The following KIF13A variants were observed in gnomAD, a reference collection of about 807,000 sequenced individuals.
KIF13A encodes the protein kinesin-like protein KIF13A.
Under a neutral mutation model 212.2 loss-of-function variants are expected in KIF13A, and 79 were observed. The observed-to-expected ratio is 0.37, with a 90% CI of 0.31 to 0.45. KIF13A has a LOEUF of 0.45. KIF13A is among the 20% of genes least tolerant of loss of function. The pLI, the probability that KIF13A is intolerant of heterozygous loss-of-function variation, is 1.00. For synonymous variants in KIF13A, 789 were observed against 808.6 expected, an observed-to-expected ratio of 0.98 and a Z score of 0.41; for missense variants, 1,901 against 2,209.0, an observed-to-expected ratio of 0.86 and a Z score of 2.79.
chr6:17,852,779 T>A (rs1281019177), intron 6 of KIF13A, among the ~76,000 whole-genome samples: 1 of 152,212 alleles, frequency 6.6e-6, no homozygotes, highest in Non-Finnish European at 1.5e-5. Context: ...CAAGTCTGCA[T>A]TGGTTTATGC....
intron 2 of KIF13A, among the ~76,000 whole-genome samples, chr6:17,976,386 C>T (rs1780484880): frequency 6.6e-6 from 1 of 152,222 alleles, no homozygotes. Flanking sequence ...GGTGGGCCGG[C>T]ACTGCTGGGG....
In KIF13A at chr6:17,780,843, G is replaced by A. The variant is rs1760500597; in HGVS notation, c.3733C>T (p.Pro1245Ser). ...ATTAGGTAAATCCTTTCATTCTGTG[G>A]TGTGACCCTATTCAAGTGAACAGAA... ...HDSVHLNRVT[P>S]QNERIYLIVK... Residue 1245 changes from proline (P) to serine (S), a missense_variant, in exon 31 of 39, where the codon CCA becomes TCA. Physicochemically the swap from Pro to Ser is moderately conservative, Grantham distance 74 (BLOSUM62 -1). This residue lies in a region of KIF13A where 687 missense variants were observed against 759.1 expected (regional missense o/e 0.90). Coordinates refer to ENST00000259711, the MANE Select transcript of KIF13A (RefSeq NM_022113.6). 3 of 1,613,766 alleles carry A rather than the reference G, an allele frequency of 1.9e-6. No individual in the cohort carries two copies. The highest frequency in any genetic ancestry group is 2.7e-5 in the African/African-American group (2 of 74,908).
rs577874131 is a variant in KIF13A, at chr6:17,843,372, G to A, written c.831-5789C>T. Among the ~76,000 whole-genome samples the A allele has an allele frequency of 1.6e-4, 25 of 152,298 alleles. No homozygotes were observed. Among genetic ancestry groups the A allele is most frequent in the African/African-American group, 5.8e-4 (24 of 41,556 alleles). On this transcript the variant is annotated intron_variant, in intron 9 of 38. Coordinates refer to ENST00000259711, the MANE Select transcript of KIF13A (RefSeq NM_022113.6). This position sits in a 1 kb window ranked among gnomAD's most constrained non-coding sequence, Gnocchi z 5.3. ...TCTATTTTCCAAAGTCCTCTCTGCA[G>A]CTTCGGGTAGCCATTAAACACAGTT...
chr6:17,760,525 A>C (rs538353930), downstream of KIF13A: 5 of 326,926 alleles, frequency 1.5e-5, no homozygotes, highest in Admixed American at 8.9e-5. Flanking sequence ...ACAAGAATAA[A>C]GTCTGTTGGA....
At chr6:17,857,709 G>C (rs1015936674) in intron 4 of KIF13A, among the ~76,000 whole-genome samples, 4 of 152,116 alleles carry the variant, frequency 2.6e-5, no homozygotes, top group African/African-American at 9.7e-5. Flanking sequence ...TATGGTGGGA[G>C]AATAAACGCA....
rs1356913154 is a variant in KIF13A, at chr6:17,772,323, C to T, written c.4325-264G>A. 3.3e-5 allele frequency among the ~76,000 whole-genome samples: 5 copies of T among 152,124 alleles called. No homozygotes were observed. Among genetic ancestry groups the T allele is most frequent in the South Asian group, 2.1e-4 (1 of 4,810 alleles). ...ACTCAGGAGGCTGAGGCGAGAAGAT[C>T]GCTTGAGCCCCAGGGGTTGAGGCTG... On this transcript the variant is annotated intron_variant, in intron 36 of 38. Coordinates refer to ENST00000259711, the MANE Select transcript of KIF13A (RefSeq NM_022113.6). The surrounding 1 kb of genome is among the most constrained non-coding windows in gnomAD (Gnocchi z 4.8).
At chr6:17,780,177 A>G (rs1760431030) in intron 31 of KIF13A, among the ~76,000 whole-genome samples, 1 of 152,248 alleles carries the variant, frequency 6.6e-6, no homozygotes, top group Non-Finnish European at 1.5e-5. Context: ...ACTAACGTCC[A>G]GCTGTTAGTT....
rs1438267979 is a variant in KIF13A, at chr6:17,783,116, G to A, written c.3544+530C>T. Among the ~76,000 whole-genome samples the A allele has an allele frequency of 6.6e-6, 1 of 152,160 alleles. No individual in the cohort carries two copies. The highest frequency in any genetic ancestry group is 1.5e-5 in the Non-Finnish European group (1 of 68,036). Reference sequence around the variant, plus strand: ...CAGGATCCTGCCCACTGCAAACTCAGCAACTCTGCCGTTGTTTTCTACACA... The same window carrying A: ...CAGGATCCTGCCCACTGCAAACTCAACAACTCTGCCGTTGTTTTCTACACA... On this transcript the variant is annotated intron_variant, in intron 29 of 38. Coordinates refer to ENST00000259711, the MANE Select transcript of KIF13A (RefSeq NM_022113.6). This position sits in a 1 kb window ranked among gnomAD's most constrained non-coding sequence, Gnocchi z 4.3.
Position 17,902,091 on chromosome 6 carries a change from T to C in KIF13A, c.147-3911A>G, listed in dbSNP as rs144576713. ...CTGTTGAGATACCTGTGTGGCTTCA[T>C]TACAGAAAGAGGCAATGATTTTGTT... On this transcript the variant is annotated intron_variant, in intron 2 of 38. Transcript: ENST00000259711. Among the ~76,000 whole-genome samples the C allele has an allele frequency of 5.6e-3, 848 of 152,296 alleles. 13 individuals are homozygous for C. Among genetic ancestry groups the C allele is most frequent in the African/African-American group, 0.019 (784 of 41,570 alleles).
At chr6:17,881,219 C>T (rs1196610578) in intron 3 of KIF13A, among the ~76,000 whole-genome samples, 1 of 152,112 alleles carries the variant, frequency 6.6e-6, no homozygotes, top group Non-Finnish European at 1.5e-5. Flanking sequence ...ACATCTGCTC[C>T]ACCTTTATCA....
Position 17,764,801 on chromosome 6 carries a change from A to G in KIF13A, c.4727T>C (p.Leu1576Pro). 1.9e-6 allele frequency: 3 copies of G among 1,613,442 alleles called. No homozygotes were observed. Among genetic ancestry groups the G allele is most frequent in the Non-Finnish European group, 2.5e-6 (3 of 1,179,670 alleles). The stretch of plus-strand genomic sequence containing the variant: ...TTTCTCCAAGACCCGTGAGTTTGAC[A>G]GATCTACTTTAGAGGAAAACCATTC... ...NREWFSSKVD[L>P]SNSRVLEKEV... The change falls in exon 39 of 39, where the codon CTG becomes CCG. Residue 1576 changes from leucine (L) to proline (P), a missense_variant. Around this residue, in one of 5 missense-constraint regions of KIF13A, gnomAD observed 687 missense variants for 759.1 expected, o/e 0.90. Transcript: ENST00000259711. The surrounding 1 kb of genome is among the most constrained non-coding windows in gnomAD (Gnocchi z 5.1).
rs976451837 is a variant in KIF13A, at chr6:17,811,502, A to C, written c.2001-2572T>G. ...TGACTTAATTTTTCCACAAATTTAT[A>C]TCTTGTTTCATACTACATTCTAAGT... On this transcript the variant is annotated intron_variant, in intron 17 of 38. Transcript: ENST00000259711. This position sits in a 1 kb window ranked among gnomAD's most constrained non-coding sequence, Gnocchi z 6.0. 1.3e-5 allele frequency among the ~76,000 whole-genome samples: 2 copies of C among 152,216 alleles called. No homozygotes were observed. The highest frequency in any genetic ancestry group is 4.8e-5 in the African/African-American group (2 of 41,466).
At chr6:17,944,597 A>T (rs1359589868) in intron 2 of KIF13A, among the ~76,000 whole-genome samples, 1 of 152,186 alleles carries the variant, frequency 6.6e-6, no homozygotes, top group East Asian at 1.9e-4. Flanking sequence ...CCCCCTGTCT[A>T]AACCACACAG....
rs546389668 is a variant in KIF13A, at chr6:17,888,279, C to T, written c.159+9889G>A. ...CCTAGGAAACAATTCCTAGGAAAAA[C>T]GTATAGTGAGAAGGTTATGCTGTCA... is the stretch of plus-strand genomic sequence containing the variant. On this transcript the variant is annotated intron_variant, in intron 3 of 38. Transcript: ENST00000259711. The surrounding 1 kb of genome is among the most constrained non-coding windows in gnomAD (Gnocchi z 4.8). Among the ~76,000 whole-genome samples, 1 of 152,114 alleles carries T rather than the reference C, an allele frequency of 6.6e-6. No homozygotes were observed. The highest frequency in any genetic ancestry group is 1.9e-4 in the East Asian group (1 of 5,178).
intron 2 of KIF13A, among the ~76,000 whole-genome samples, chr6:17,964,141 C>G (rs181889999): frequency 1.3e-5 from 2 of 152,014 alleles, no homozygotes; most frequent in Non-Finnish European, 2.9e-5. Flanking sequence ...CCACACACAC[C>G]CACACCTCTC....
Position 17,963,425 on chromosome 6 carries a change from A to G in KIF13A, c.146+23629T>C, listed in dbSNP as rs1779020768. ...AAGAGCAAAACTCCAACTCAAAAAAAATAAATAAATAAAAATAGAAGAGCA... is the reference window on the plus strand; with the variant it reads ...AAGAGCAAAACTCCAACTCAAAAAAGATAAATAAATAAAAATAGAAGAGCA... On this transcript the variant is annotated intron_variant, in intron 2 of 38. Coordinates refer to ENST00000259711, the MANE Select transcript of KIF13A (RefSeq NM_022113.6). This position sits in a 1 kb window ranked among gnomAD's most constrained non-coding sequence, Gnocchi z 4.1. Among the ~76,000 whole-genome samples the G allele has an allele frequency of 6.6e-6, 1 of 152,218 alleles. No individual in the cohort carries two copies. The highest frequency in any genetic ancestry group is 2.4e-5 in the African/African-American group (1 of 41,466).
intron 2 of KIF13A, among the ~76,000 whole-genome samples, chr6:17,916,941 G>A (rs1385153245): frequency 1.3e-5 from 2 of 149,078 alleles, no homozygotes; most frequent in South Asian, 2.1e-4. Context: ...TTAAATATTC[G>A]AAACTCATAA....
chr6:17,804,843 A>AAAAAAT (rs1762802678), intron 19 of KIF13A, among the ~76,000 whole-genome samples: 1 of 144,916 alleles, frequency 6.9e-6, no homozygotes, highest in Non-Finnish European at 1.5e-5. Context: ...AAAAAAAAAA[A>AAAAAAT]AAGAATTAGC....
chr6:17,804,525 G>A lies in KIF13A; in HGVS notation c.2305-15C>T, dbSNP rs1411783303. The A allele has an allele frequency of 4.5e-6, 7 of 1,567,054 alleles. No individual in the cohort carries two copies. The highest frequency in any genetic ancestry group is 6.1e-6 in the Non-Finnish European group (7 of 1,154,370). Reference sequence around the variant, plus strand: ...AGTCTCTTTGCCTGAGAAGTAGGAGGGGCCAGTGAGTGGACGAATAAGAAA... The same window carrying A: ...AGTCTCTTTGCCTGAGAAGTAGGAGAGGCCAGTGAGTGGACGAATAAGAAA... On this transcript the variant is annotated splice_polypyrimidine_tract_variant and intron_variant, in intron 19 of 38. Transcript: ENST00000259711.
Sources: allele counts gnomAD v4.1 joint callset (sites outside exome capture counted in the v4.1 genomes callset), GRCh38; gene constraint gnomAD v4.1.1; regional missense constraint gnomAD v4.1.1; non-coding constraint Gnocchi (gnomAD v3.1); transcripts MANE v1.5; gene names NCBI Gene and HGNC (gene_info 2026-07-23, HGNC 2026-07-21).